The following ATP8B4 variants were observed in gnomAD, a reference collection of about 807,000 sequenced individuals.
The protein encoded by ATP8B4 is probable phospholipid-transporting ATPase IM.
Under a neutral mutation model 145.6 loss-of-function variants are expected in ATP8B4, and 133 were observed. That is an observed-to-expected ratio of 0.91 (90% CI 0.79 to 1.05). The LOEUF is 1.05. Ranked by LOEUF, ATP8B4 falls within the 50% of genes least tolerant of loss-of-function variation. The probability of loss-of-function intolerance (pLI) is 0.00; values close to 1 mark genes in which losing one functional copy is unlikely to be tolerated. For missense variants in ATP8B4, 1,458 were observed against 1,425.2 expected (o/e 1.02, Z -0.37); for synonymous variants, 507 against 492.9 (o/e 1.03, Z -0.38).
At chr15:49,884,217 G>C (rs1038886134) in intron 23 of ATP8B4, among the ~76,000 whole-genome samples, 1 of 152,104 alleles carries the variant, frequency 6.6e-6, no homozygotes, top group Non-Finnish European at 1.5e-5. Context: ...AGCCAAGCAA[G>C]TGTCAGAGCT....
At chr15:49,897,597 C>A in intron 22 of ATP8B4, 82 bp from the exon 23 acceptor site, 1 of 1,227,496 alleles carries the variant, frequency 8.1e-7, no homozygotes, top group African/African-American at 1.5e-5. Flanking sequence ...CTTTTATTTA[C>A]GGAAAACTTA....
At chr15:50,020,192 T>G (rs1020438968) in intron 6 of ATP8B4, among the ~76,000 whole-genome samples, 1 of 151,700 alleles carries the variant, frequency 6.6e-6, no homozygotes, top group East Asian at 1.9e-4. Flanking sequence ...TGCTCTCAAG[T>G]GATCTGCTTG....
At chr15:49,926,019 C>A (rs1191586385) in intron 16 of ATP8B4, among the ~76,000 whole-genome samples, 2 of 152,080 alleles carry the variant, frequency 1.3e-5, no homozygotes, top group Non-Finnish European at 2.9e-5. Flanking sequence ...TATTAGTGTT[C>A]TTCAGAGATT....
intron 18 of ATP8B4, 65 bp downstream of exon 18, chr15:49,920,181 G>A: frequency 6.4e-7 from 1 of 1,560,572 alleles, no homozygotes; most frequent in Non-Finnish European, 8.7e-7. Flanking sequence ...TTATTCCTGT[G>A]CTAAATCTCT....
At chr15:50,145,059 G>A (rs1242070889) in intron 1 of ATP8B4, among the ~76,000 whole-genome samples, 2 of 152,258 alleles carry the variant, frequency 1.3e-5, no homozygotes, top group South Asian at 2.1e-4. Flanking sequence ...CAGGGGTATG[G>A]TATTACCTCT....
chr15:50,095,760 AAAAAG>A (rs1165865376), intron 2 of ATP8B4, among the ~76,000 whole-genome samples: 1 of 152,040 alleles, frequency 6.6e-6, no homozygotes, highest in Non-Finnish European at 1.5e-5. Context: ...TTCTAAAAAA[AAAAAG>A]AAAAGAAAGA....
At chr15:50,171,806 C>T (rs2140868599) in intron 1 of ATP8B4, among the ~76,000 whole-genome samples, 2 of 152,012 alleles carry the variant, frequency 1.3e-5, no homozygotes, top group Middle Eastern at 3.4e-3. Context: ...ATAAAATTGA[C>T]AGACCATTAG....
chr15:49,931,939 T>C (rs994012904), intron 15 of ATP8B4, among the ~76,000 whole-genome samples: 3 of 151,218 alleles, frequency 2.0e-5, no homozygotes, highest in Admixed American at 1.3e-4. Flanking sequence ...GGAGTGGGGG[T>C]AAGAGGGGAG....
chr15:50,091,517 T>A (rs567287660), intron 2 of ATP8B4, among the ~76,000 whole-genome samples: 1 of 152,306 alleles, frequency 6.6e-6, no homozygotes, highest in African/African-American at 2.4e-5. Flanking sequence ...TGGAAATATG[T>A]TCTAAGCCCA....
intron 25 of ATP8B4, among the ~76,000 whole-genome samples, chr15:49,874,427 C>T (rs550997589): frequency 7.4e-4 from 112 of 152,262 alleles, no homozygotes; most frequent in African/African-American, 2.3e-3. Context: ...AGAACAAAAG[C>T]CAGTGTGGCT....
At chr15:50,087,288 T>C (rs1347161824) in intron 2 of ATP8B4, among the ~76,000 whole-genome samples, 3 of 135,874 alleles carry the variant, frequency 2.2e-5, no homozygotes, top group African/African-American at 5.5e-5. Flanking sequence ...TAGAATAATA[T>C]ATAGATCTAT....
At chr15:50,029,543 T>A (rs2050281425) in intron 6 of ATP8B4, among the ~76,000 whole-genome samples, 1 of 152,192 alleles carries the variant, frequency 6.6e-6, no homozygotes, top group Non-Finnish European at 1.5e-5. Context: ...TCCAGGATGA[T>A]CTTACCTCAA....
At chr15:50,138,004 G>A (rs150131229) in intron 1 of ATP8B4, among the ~76,000 whole-genome samples, 203 of 152,234 alleles carry the variant, frequency 1.3e-3, no homozygotes, top group African/African-American at 4.5e-3. Flanking sequence ...CCTGCCAACC[G>A]TAATGCTCAT....
At chr15:50,165,408 G>T (rs1567415076) in intron 1 of ATP8B4, among the ~76,000 whole-genome samples, 1 of 152,056 alleles carries the variant, frequency 6.6e-6, no homozygotes, top group Non-Finnish European at 1.5e-5. Flanking sequence ...CACTCACCTG[G>T]TTTTTTTGTT....
intron 1 of ATP8B4, among the ~76,000 whole-genome samples, chr15:50,157,455 CTTTCTTT>C (rs943019930): frequency 1.3e-5 from 2 of 152,146 alleles, no homozygotes; most frequent in Non-Finnish European, 2.9e-5. Flanking sequence ...GATCCCACTT[CTTTCTTT>C]TTTATTTCAA....
intron 20 of ATP8B4, among the ~76,000 whole-genome samples, chr15:49,903,593 G>A (rs2038283722): frequency 6.6e-6 from 1 of 152,154 alleles, no homozygotes. Context: ...TATATTGAAA[G>A]GTTAAATTGA....
intron 1 of ATP8B4, among the ~76,000 whole-genome samples, chr15:50,138,331 T>TAGAC (rs2044155761): frequency 4.3e-5 from 1 of 23,270 alleles, no homozygotes; most frequent in Admixed American, 4.3e-4. Flanking sequence ...GATAGGTAGA[T>TAGAC]AGATAGATAG....
chr15:49,909,887 G>T (rs182895510), intron 20 of ATP8B4, among the ~76,000 whole-genome samples: 1 of 152,176 alleles, frequency 6.6e-6, no homozygotes, highest in African/African-American at 2.4e-5. Flanking sequence ...TGGAAGAAGC[G>T]ACTGTTATAC....
intron 2 of ATP8B4, among the ~76,000 whole-genome samples, chr15:50,090,204 GC>G (rs1181525803): frequency 2.0e-5 from 3 of 152,078 alleles, no homozygotes; most frequent in Non-Finnish European, 4.4e-5. Context: ...ACACACTGGG[GC>G]CTGTGGGGTA....
Sources: gnomAD v4.1 joint callset for allele counts (sites outside exome capture counted in the v4.1 genomes callset) on GRCh38, gnomAD v4.1.1 for gene constraint, MANE v1.5 for transcripts, NCBI Gene and HGNC (gene_info 2026-07-23, HGNC 2026-07-21) for gene names.